FAM107A: variants seen among roughly 807,000 people sequenced by gnomAD.
The protein encoded by FAM107A is actin-associated protein FAM107A.
FAM107A carries 19 observed loss-of-function variants against 13.7 expected under a neutral mutation model. The observed-to-expected ratio is 1.38, with a 90% CI of 0.97 to 2.03. The LOEUF (loss-of-function observed/expected upper bound fraction) is 2.03. FAM107A is among the 30% of genes most tolerant of loss of function. The pLI, the probability that FAM107A is intolerant of heterozygous loss-of-function variation, is 0.00. For missense variants in FAM107A, 203 were observed against 184.4 expected (o/e 1.10, Z -0.58); for synonymous variants, 82 against 74.5 (o/e 1.10, Z -0.52).
At chr3:58,571,464 T>C (rs555080289) in intron 1 of FAM107A, among the ~76,000 whole-genome samples, 2 of 152,364 alleles carry the variant, frequency 1.3e-5, no homozygotes, top group African/African-American at 4.8e-5. Context: ...TTCTCATCTT[T>C]TTCATAAGGC....
intron 1 of FAM107A, among the ~76,000 whole-genome samples, chr3:58,570,583 CAGAGAGAGAGAGAGAG>C (rs371909507): frequency 0.25 from 22,584 of 91,512 alleles, 2,896 homozygotes; most frequent in East Asian, 0.47. Context: ...GCAAATACAG[CAGAGAGAGAGAGAGAG>C]AGAGAGAGAG....
upstream of FAM107A, among the ~76,000 whole-genome samples, chr3:58,580,300 G>A (rs1237442030): frequency 2.0e-5 from 3 of 150,646 alleles, no homozygotes; most frequent in Non-Finnish European, 4.4e-5. Context: ...TGTTAGCAGA[G>A]GTCAACTCTA....
intron 1 of FAM107A, among the ~76,000 whole-genome samples, chr3:58,602,508 C>T (rs1468788465): frequency 6.6e-6 from 1 of 152,160 alleles, no homozygotes; most frequent in Non-Finnish European, 1.5e-5. Flanking sequence ...CAAGAATGTG[C>T]ATGAACAAGC....
At position 58,624,007 on chromosome 3, in the gene FAM107A, G is replaced by A. The variant is rs561669819; in HGVS notation, c.-70+3409C>T. Among the ~76,000 whole-genome samples, 16 of 152,318 alleles carry A rather than the reference G, an allele frequency of 1.1e-4. No individual in the cohort carries two copies. In the East Asian group the frequency reaches 2.1e-3, roughly 20 times the overall value. The stretch of plus-strand genomic sequence containing the variant: ...GCGAGGGCACTGGCCACTGCTGATT[G>A]GGGTGGAGGACGGCGTGCCCACACT... On this transcript the variant is annotated intron_variant, in intron 1 of 3. Transcript: ENST00000465970.
intron 1 of FAM107A, among the ~76,000 whole-genome samples, chr3:58,573,836 A>G (rs2063708001): frequency 6.6e-6 from 1 of 152,170 alleles, no homozygotes; most frequent in Non-Finnish European, 1.5e-5. Context: ...GGGACACACC[A>G]CGCCCACTTA....
upstream of FAM107A, chr3:58,587,126 G>C: frequency 7.3e-7 from 1 of 1,364,764 alleles, no homozygotes; most frequent in Non-Finnish European, 9.4e-7. Context: ...AGGGGGGCAG[G>C]GGCCAGGGCA....
At chr3:58,570,650 A>G (rs1450542041) in intron 1 of FAM107A, among the ~76,000 whole-genome samples, 1 of 67,714 alleles carries the variant, frequency 1.5e-5, no homozygotes, top group Non-Finnish European at 3.2e-5. Context: ...AGACTGACTT[A>G]AAAAAAAAAA....
chr3:58,621,179 C>T (rs536603467), intron 1 of FAM107A, among the ~76,000 whole-genome samples: 10 of 152,206 alleles, frequency 6.6e-5, no homozygotes, highest in East Asian at 1.9e-4. Context: ...AAGGGGAGCC[C>T]GGAACTAAAT....
intron 1 of FAM107A, among the ~76,000 whole-genome samples, chr3:58,619,896 G>A (rs1224605418): frequency 1.3e-5 from 2 of 152,152 alleles, no homozygotes; most frequent in Admixed American, 6.5e-5. Flanking sequence ...GCAGGGTGGG[G>A]AATGTGAGAA....
chr3:58,595,249 T>C (rs1450749816), intron 1 of FAM107A, among the ~76,000 whole-genome samples: 2 of 152,114 alleles, frequency 1.3e-5, no homozygotes, highest in Non-Finnish European at 2.9e-5. Flanking sequence ...GTTTTTCTTA[T>C]TAATATAAGA....
intron 1 of FAM107A, among the ~76,000 whole-genome samples, chr3:58,593,146 C>A (rs1221366648): frequency 6.6e-6 from 1 of 152,182 alleles, no homozygotes; most frequent in Non-Finnish European, 1.5e-5. Context: ...GTCCATTGGA[C>A]AGCCAGCCTG....
chr3:58,621,185 T>A (rs2065951566), intron 1 of FAM107A, among the ~76,000 whole-genome samples: 1 of 152,184 alleles, frequency 6.6e-6, no homozygotes, highest in African/African-American at 2.4e-5. Flanking sequence ...AGCCCGGAAC[T>A]AAATGACAAA....
rs57244654 is a variant in FAM107A at position 58,599,696 on chromosome 3, A to ATTTT, written c.-69-10431_-69-10428dup. On this transcript the variant is annotated intron_variant, in intron 1 of 3. Coordinates refer to the FAM107A transcript ENST00000465970. ...GTGGTATACTTAAAACAAGTGCACCATTTTTTTTTTTTTTTTTTTTTTTTT... is the reference window on the plus strand; with the variant it reads ...GTGGTATACTTAAAACAAGTGCACCATTTTTTTTTTTTTTTTTTTTTTTTTTTTT... Among the ~76,000 whole-genome samples the ATTTT allele has an allele frequency of 8.7e-4, 68 of 78,592 alleles. 21 individuals are homozygous for ATTTT. The highest frequency in any genetic ancestry group is 1.3e-3 in the African/African-American group (26 of 20,256). The allele number at this position is 78,592 out of a possible 152,430, so 51.6% of individuals were successfully genotyped here.
chr3:58,612,644 C>T (rs931090455), intron 1 of FAM107A, among the ~76,000 whole-genome samples: 1 of 151,092 alleles, frequency 6.6e-6, no homozygotes, highest in Non-Finnish European at 1.5e-5. Context: ...ACTCATGCCA[C>T]AGTGTCACAG....
At chr3:58,594,678 CA>C (rs1361817116) in intron 1 of FAM107A, among the ~76,000 whole-genome samples, 1 of 152,152 alleles carries the variant, frequency 6.6e-6, no homozygotes, top group African/African-American at 2.4e-5. Context: ...CTGATGACAC[CA>C]ACACTTCACT....
chr3:58,626,720 G>C (rs962285467), intron 1 of FAM107A, among the ~76,000 whole-genome samples: 1 of 152,178 alleles, frequency 6.6e-6, no homozygotes, highest in Admixed American at 6.5e-5. Flanking sequence ...AGATGTGTGT[G>C]GTTAAGACCA....
chr3:58,583,058 C>A (rs913533718), intron 1 of FAM107A, among the ~76,000 whole-genome samples: 2 of 152,166 alleles, frequency 1.3e-5, no homozygotes, highest in African/African-American at 4.8e-5. Flanking sequence ...CTTGGCCTCG[C>A]AGAGCGTTGG....
chr3:58,606,067 C>G (rs1025667757), intron 1 of FAM107A, among the ~76,000 whole-genome samples: 1 of 152,162 alleles, frequency 6.6e-6, no homozygotes, highest in African/African-American at 2.4e-5. Context: ...GGTCATTGCT[C>G]TTTGCATGGA....
Position 58,569,789 on chromosome 3 carries a change from C to G in FAM107A, c.72G>C (p.Trp24Cys). The G allele has an allele frequency of 6.2e-7, 1 of 1,614,152 alleles. No homozygotes were observed. The highest frequency in any genetic ancestry group is 8.5e-7 in the Non-Finnish European group (1 of 1,180,010). The change falls in exon 2 of 4, where the codon TGG (tryptophan) becomes TGC (cysteine). Residue 24 changes from tryptophan (W) to cysteine (C), a missense_variant. Coordinates refer to ENST00000360997, the MANE Select transcript of FAM107A (RefSeq NM_001076778.3). This position sits in a 1 kb window ranked among gnomAD's most constrained non-coding sequence, Gnocchi z 5.7. Reference protein sequence around the residue: ...GLMARPEYREWNPELIKPKKL... With the variant: ...GLMARPEYRECNPELIKPKKL... Reference sequence around the variant, plus strand: ...TCTTGGGCTTGATGAGCTCCGGATTCCACTCTCTGTATTCTGGCCGGGCCA... The same window carrying G: ...TCTTGGGCTTGATGAGCTCCGGATTGCACTCTCTGTATTCTGGCCGGGCCA...
Sources: gnomAD v4.1 joint callset for allele counts (sites outside exome capture counted in the v4.1 genomes callset) on GRCh38, gnomAD v4.1.1 for gene constraint, Gnocchi (gnomAD v3.1) non-coding constraint, MANE v1.5 for transcripts, NCBI Gene and HGNC (gene_info 2026-07-23, HGNC 2026-07-21) for gene names.